Variants in PWWP2A observed in about 807,000 individuals in gnomAD.
PWWP2A encodes PWWP domain containing 2A, also known as PWWP domain-containing protein 2A.
A neutral mutation model predicts 48.5 loss-of-function variants in PWWP2A; 18 were observed. The ratio of observed to expected loss-of-function variants is 0.37; its 90% confidence interval spans 0.26 to 0.55. The LOEUF (loss-of-function observed/expected upper bound fraction) is 0.55. PWWP2A is among the 20% of genes least tolerant of loss of function. PWWP2A has a pLI of 0.81. For missense variants in PWWP2A, 867 were observed against 976.4 expected, an observed-to-expected ratio of 0.89 and a Z score of 1.49; for synonymous variants, 396 against 387.7, an observed-to-expected ratio of 1.02 and a Z score of -0.25.
chr5:160,070,968 G>T (rs1753725976), downstream of PWWP2A, among the ~76,000 whole-genome samples: 1 of 152,138 alleles, frequency 6.6e-6, no homozygotes, highest in African/African-American at 2.4e-5. Flanking sequence ...CGGGCAAATA[G>T]CTTTAGCCCA....
chr5:160,083,807 G>A (rs1451408074), intron 2 of PWWP2A, among the ~76,000 whole-genome samples: 4 of 152,194 alleles, frequency 2.6e-5, no homozygotes, highest in Non-Finnish European at 2.9e-5. Context: ...ATAAGGGAGA[G>A]TAGAATAGGA....
At chr5:160,053,296 A>T in the PWWP2A span, among the ~76,000 whole-genome samples, 7 of 152,184 alleles carry the variant, frequency 4.6e-5, no homozygotes, top group African/African-American at 1.7e-4. Context: ...AAAATTTTTT[A>T]AATTGGGTAG....
intron 1 of PWWP2A, among the ~76,000 whole-genome samples, chr5:160,110,194 T>A (rs1474032645): frequency 2.0e-5 from 3 of 151,728 alleles, no homozygotes; most frequent in Admixed American, 6.6e-5. Flanking sequence ...CTAATTTTTT[T>A]AATTTTTATA....
downstream of PWWP2A, chr5:160,089,555 G>A (rs951457728): frequency 1.8e-5 from 23 of 1,287,868 alleles, no homozygotes; most frequent in Non-Finnish European, 2.1e-5. Context: ...ATCTGTAAAT[G>A]AGAGTTGAAT....
chr5:160,100,506 C>A (rs942019171), intron 1 of PWWP2A, among the ~76,000 whole-genome samples: 1 of 151,952 alleles, frequency 6.6e-6, no homozygotes, highest in Non-Finnish European at 1.5e-5. Flanking sequence ...GTGGCTCATG[C>A]CTATAATCCC....
chr5:160,092,013 GATATATATATATACACACACACACACGT>G lies in PWWP2A; in HGVS notation c.*341_*368del. On this transcript the variant is annotated 3_prime_UTR_variant, in exon 2 of 2. Transcript: ENST00000307063. The stretch of plus-strand genomic sequence containing the variant: ...ATATGTGTGTATATATACATACACG[GATATATATATATACACACACACACACGT>G]ATATATATGTATATATACAGTATTA... 2 of 314,486 alleles carry G rather than the reference GATATATATATATACACACACACACACGT, an allele frequency of 6.4e-6. No homozygotes were observed. Among genetic ancestry groups the G allele is most frequent in the Non-Finnish European group, 8.2e-6 (2 of 243,338 alleles). 19.5% of individuals were successfully genotyped at this position (314,486 alleles called of 1,614,324 possible).
chr5:160,067,396 ATCG>A (rs1753640434), intron 2 of PWWP2A, among the ~76,000 whole-genome samples: 6 of 152,236 alleles, frequency 3.9e-5, no homozygotes, highest in Non-Finnish European at 8.8e-5. Context: ...CTACTGTCAC[ATCG>A]TGCCTTGAGC....
chr5:160,101,289 G>A (rs1385469021), intron 1 of PWWP2A, among the ~76,000 whole-genome samples: 2 of 152,204 alleles, frequency 1.3e-5, no homozygotes, highest in African/African-American at 4.8e-5. Flanking sequence ...GGCAGAGGTT[G>A]CAGTGAGAAG....
the PWWP2A span, among the ~76,000 whole-genome samples, chr5:160,049,945 C>T: frequency 4.0e-5 from 6 of 151,856 alleles, no homozygotes; most frequent in African/African-American, 9.7e-5. Context: ...CGGGTGTGGT[C>T]GTACACATCT....
intron 1 of PWWP2A, among the ~76,000 whole-genome samples, chr5:160,108,229 C>T (rs1757100601): frequency 1.3e-5 from 2 of 151,806 alleles, no homozygotes; most frequent in South Asian, 4.2e-4. Flanking sequence ...AGAATGAAAC[C>T]AGGTTTAATG....
chr5:160,081,237 CCCT>C (rs1754208313), intron 2 of PWWP2A, among the ~76,000 whole-genome samples: 1 of 145,436 alleles, frequency 6.9e-6, no homozygotes, highest in African/African-American at 2.5e-5. Context: ...CTCAATGACC[CCCT>C]TTTTTTTTTT....
intron 4 of PWWP2A, among the ~76,000 whole-genome samples, chr5:160,065,824 A>T: frequency 6.6e-6 from 1 of 152,206 alleles, no homozygotes. Flanking sequence ...TTTAACTTAA[A>T]ATAGCTTCAT....
chr5:160,118,791 G>C lies in PWWP2A; in HGVS notation c.584+14C>G. The stretch of plus-strand genomic sequence containing the variant: ...ACCCAGCGGACCGGAGGGTGCTGGG[G>C]GCGGGCGCGGTACCTTTTGGACAGA... On this transcript the variant is annotated intron_variant, in intron 1 of 1. Coordinates refer to ENST00000307063, the MANE Select transcript of PWWP2A (RefSeq NM_001130864.2). The C allele has an allele frequency of 1.4e-6, 2 of 1,436,694 alleles. No individual in the cohort carries two copies. Among genetic ancestry groups the C allele is most frequent in the Middle Eastern group, 1.8e-4 (1 of 5,516 alleles). The allele number at this position is 1,436,694 out of a possible 1,614,324, so 89.0% of individuals were successfully genotyped here.
In PWWP2A at chr5:160,117,017, G is replaced by T. The variant is rs188986969; in HGVS notation, c.584+1788C>A. Reference sequence around the variant, plus strand: ...TGAGGTAGGAGAATCACTTGAACCAGGGAGGTGGAGGGTGCAGTGAGCAGA... The same window carrying T: ...TGAGGTAGGAGAATCACTTGAACCATGGAGGTGGAGGGTGCAGTGAGCAGA... On this transcript the variant is annotated intron_variant, in intron 1 of 1. Coordinates refer to ENST00000307063, the MANE Select transcript of PWWP2A (RefSeq NM_001130864.2). Among the ~76,000 whole-genome samples the T allele has an allele frequency of 4.6e-5, 7 of 152,226 alleles. 1 individual carries two copies. Among genetic ancestry groups the T allele is most frequent in the Admixed American group, 3.3e-4 (5 of 15,282 alleles).
chr5:160,110,972 CA>C (rs1195225635), intron 1 of PWWP2A, among the ~76,000 whole-genome samples: 1,726 of 54,134 alleles, frequency 0.032, 10 homozygotes, highest in African/African-American at 0.082. Flanking sequence ...GACTCTGTCT[CA>C]AAAAAAAAAA....
At chr5:160,111,369 T>C (rs1757552556) in intron 1 of PWWP2A, among the ~76,000 whole-genome samples, 1 of 152,118 alleles carries the variant, frequency 6.6e-6, no homozygotes, top group South Asian at 2.1e-4. Flanking sequence ...GGTTTCATCA[T>C]ATTGGTCAGG....
chr5:160,101,319 C>T lies in PWWP2A; in HGVS notation c.585-7254G>A, dbSNP rs377482371. On this transcript the variant is annotated intron_variant, in intron 1 of 1. Coordinates refer to ENST00000307063, the MANE Select transcript of PWWP2A (RefSeq NM_001130864.2). Reference sequence around the variant, plus strand: ...GAGAAGAGATCACGCCACTGCACTCCAGCCAGGGTGATAGAGTGAGACTCT... The same window carrying T: ...GAGAAGAGATCACGCCACTGCACTCTAGCCAGGGTGATAGAGTGAGACTCT... Among the ~76,000 whole-genome samples the T allele has an allele frequency of 3.9e-5, 6 of 152,232 alleles. No homozygotes were observed. In the East Asian group the frequency reaches 9.7e-4, roughly 24 times the overall value.
chr5:160,094,212 A>C lies in PWWP2A; in HGVS notation c.585-147T>G, dbSNP rs539920169. 4.7e-6 allele frequency: 5 copies of C among 1,061,106 alleles called. No homozygotes were observed. The South Asian group carries it at 6.6e-5, about 14-fold the overall frequency. The allele number at this position is 1,061,106 out of a possible 1,614,324, so 65.7% of individuals were successfully genotyped here. On this transcript the variant is annotated intron_variant, in intron 1 of 1. Coordinates refer to ENST00000307063, the MANE Select transcript of PWWP2A (RefSeq NM_001130864.2). ...AAAAACAAGACTACAAAAATCTACT[A>C]TCTCTTCCCCCAAAAGTTCAAAGAC... is the stretch of plus-strand genomic sequence containing the variant.
chr5:160,104,529 A>G (rs1312955830), intron 1 of PWWP2A, among the ~76,000 whole-genome samples: 1 of 151,870 alleles, frequency 6.6e-6, no homozygotes, highest in Non-Finnish European at 1.5e-5. Context: ...GTGGCCAGGC[A>G]CAGTGGCTCA....
Sources: allele counts gnomAD v4.1 joint callset (sites outside exome capture counted in the v4.1 genomes callset), GRCh38; gene constraint gnomAD v4.1.1; transcripts MANE v1.5; gene names NCBI Gene and HGNC (gene_info 2026-07-23, HGNC 2026-07-21).